The following AOAH variants were observed in gnomAD, a reference collection of about 807,000 sequenced individuals.
AOAH encodes the protein acyloxyacyl hydrolase (neutrophil).
A neutral mutation model predicts 92.2 loss-of-function variants in AOAH; 64 were observed. The observed-to-expected ratio is 0.69, with a 90% confidence interval of 0.57 to 0.86. AOAH has a LOEUF of 0.86. AOAH is among the 40% of genes least tolerant of loss of function. The pLI, the probability that AOAH is intolerant of heterozygous loss-of-function variation, is 0.00. For synonymous variants in AOAH, 263 were observed against 254.5 expected, an observed-to-expected ratio of 1.03 and a Z score of -0.32; for missense variants, 656 against 694.6, an observed-to-expected ratio of 0.94 and a Z score of 0.62.
In AOAH at chr7:36,721,826, T is replaced by C. The variant is rs143057063; in HGVS notation, c.127+2196A>G. ...TCCCTTTGAGTCTGGGTGGAGGAAC[T>C]TGTGAATGCTTTGAGCAATGGAAGA... On this transcript the variant is annotated intron_variant, in intron 1 of 20. Coordinates refer to ENST00000617537, the MANE Select transcript of AOAH (RefSeq NM_001637.4). Among the ~76,000 whole-genome samples, 87 of 152,332 alleles carry C rather than the reference T, an allele frequency of 5.7e-4. 1 individual carries two copies. The highest frequency in any genetic ancestry group is 2.1e-3 in the African/African-American group (87 of 41,570).
chr7:36,650,113 GCGGCC>G lies in AOAH; in HGVS notation c.390+9048_390+9052del, dbSNP rs1284178297. On this transcript the variant is annotated intron_variant, in intron 4 of 20. Coordinates refer to ENST00000617537, the MANE Select transcript of AOAH (RefSeq NM_001637.4). ...GGAAGTGGCTTCTGCCATCTTGGAA[GCGGCC>G]CACCACCGTCTTGGAAGCGGCCCAC... Among the ~76,000 whole-genome samples the G allele has an allele frequency of 0.023, 141 of 6,118 alleles. No individual in the cohort carries two copies. The African/African-American group carries it at 0.24, about 10-fold the overall frequency. 4.0% of individuals were successfully genotyped at this position (6,118 alleles called of 152,430 possible).
At chr7:36,523,388 C>A (rs557585756) in intron 19 of AOAH, among the ~76,000 whole-genome samples, 1 of 152,176 alleles carries the variant, frequency 6.6e-6, no homozygotes. Context: ...GAAGTTGTGG[C>A]GTGCTGGTAA....
chr7:36,684,641 C>G (rs1009094209), intron 2 of AOAH, among the ~76,000 whole-genome samples: 1 of 151,962 alleles, frequency 6.6e-6, no homozygotes, highest in Non-Finnish European at 1.5e-5. Flanking sequence ...AGTCCTGGCA[C>G]AGTGGCTCAC....
chr7:36,649,855 C>T (rs542394675), intron 4 of AOAH, among the ~76,000 whole-genome samples: 3 of 152,310 alleles, frequency 2.0e-5, no homozygotes, highest in East Asian at 3.9e-4. Context: ...TCCAGTGAGG[C>T]GCCCATTGCC....
intron 11 of AOAH, among the ~76,000 whole-genome samples, chr7:36,598,645 T>G (rs1406084451): frequency 6.6e-6 from 1 of 152,228 alleles, no homozygotes. Flanking sequence ...GGAGTGACAT[T>G]TATTTGCCAG....
chr7:36,565,902 CTA>C (rs945396748), intron 13 of AOAH, among the ~76,000 whole-genome samples: 8 of 152,060 alleles, frequency 5.3e-5, no homozygotes, highest in Non-Finnish European at 1.0e-4. Flanking sequence ...CACAATAACA[CTA>C]TTGCCTGATC....
At chr7:36,710,714 G>T (rs997304088) in intron 1 of AOAH, among the ~76,000 whole-genome samples, 2 of 152,144 alleles carry the variant, frequency 1.3e-5, no homozygotes, top group African/African-American at 2.4e-5. Flanking sequence ...AAACACCCAA[G>T]ATTTGAGAAT....
rs562962114 is a variant in AOAH at position 36,617,186 on chromosome 7, C to T, written c.752-712G>A. 2.0e-5 allele frequency among the ~76,000 whole-genome samples: 3 copies of T among 152,324 alleles called. No individual in the cohort carries two copies. The South Asian group carries it at 6.2e-4, about 32-fold the overall frequency. On this transcript the variant is annotated intron_variant, in intron 10 of 20. Transcript: ENST00000617537. ...GTCATGCAAGAGGGTGGCCTAGTCT[C>T]ACTGCAGTGGCTCCCCAGGCTGGGC...
intron 2 of AOAH, among the ~76,000 whole-genome samples, chr7:36,683,454 C>T (rs1024574533): frequency 6.6e-6 from 1 of 151,752 alleles, no homozygotes; most frequent in African/African-American, 2.4e-5. Flanking sequence ...TAAGGTAGGA[C>T]AATGATTCAA....
At chr7:36,536,639 A>T (rs986586784) in intron 16 of AOAH, among the ~76,000 whole-genome samples, 2 of 152,148 alleles carry the variant, frequency 1.3e-5, no homozygotes, top group African/African-American at 4.8e-5. Flanking sequence ...TCTATCTCCC[A>T]GGGTTGTTTT....
At chr7:36,690,255 T>TA (rs2116811545) in intron 1 of AOAH, 3 of 438,606 alleles carry the variant, frequency 6.8e-6, no homozygotes, top group South Asian at 3.3e-5. Context: ...GGGTGAGTCT[T>TA]ACCGCTATCG....
intron 6 of AOAH, among the ~76,000 whole-genome samples, chr7:36,630,045 T>C (rs749569435): frequency 1.7e-4 from 26 of 152,128 alleles, no homozygotes; most frequent in East Asian, 1.4e-3. Flanking sequence ...AATATGAAGA[T>C]GAAGCAGAGA....
rs569955518 is a variant in AOAH at position 36,553,186 on chromosome 7, T to C, written c.1022-3711A>G. Among the ~76,000 whole-genome samples the C allele has an allele frequency of 1.3e-4, 19 of 146,340 alleles. No individual in the cohort carries two copies. The South Asian group carries it at 3.9e-3, about 30-fold the overall frequency. On this transcript the variant is annotated intron_variant, in intron 13 of 20. Transcript: ENST00000617537. ...TTCCTGTGTCCATGTGTTCTCATTG[T>C]TCAATTTCCATCTATGAGTGAGAAC...
chr7:36,652,525 C>A (rs1442972862), intron 4 of AOAH, among the ~76,000 whole-genome samples: 1 of 152,072 alleles, frequency 6.6e-6, no homozygotes, highest in African/African-American at 2.4e-5. Context: ...TTCTAAAGAA[C>A]TGAGTAAAGG....
chr7:36,670,839 A>T (rs1795877689), intron 3 of AOAH, among the ~76,000 whole-genome samples: 1 of 124,102 alleles, frequency 8.1e-6, no homozygotes, highest in Non-Finnish European at 1.7e-5. Flanking sequence ...CATGCTGTAC[A>T]GTTTGCATCT....
At chr7:36,530,343 T>C (rs1358211915) in intron 19 of AOAH, 75 bp downstream of exon 19, 8 of 1,071,514 alleles carry the variant, frequency 7.5e-6, no homozygotes, top group African/African-American at 1.6e-5. Context: ...CTTATAAAAG[T>C]ATAAAACCAG....
chr7:36,582,907 T>C (rs999973011), intron 12 of AOAH, among the ~76,000 whole-genome samples: 14 of 151,916 alleles, frequency 9.2e-5, no homozygotes, highest in African/African-American at 2.4e-5. Flanking sequence ...TGCAGTGGCA[T>C]GATCTCGGCT....
intron 16 of AOAH, among the ~76,000 whole-genome samples, chr7:36,537,692 T>C (rs1489243850): frequency 1.3e-5 from 2 of 152,020 alleles, no homozygotes; most frequent in African/African-American, 4.8e-5. Context: ...CTAATTTTTT[T>C]TTGTATTTTT....
In AOAH at chr7:36,541,455, C is replaced by A. The variant is rs898915821; in HGVS notation, c.1134-964G>T. Among the ~76,000 whole-genome samples, 39 of 152,216 alleles carry A rather than the reference C, an allele frequency of 2.6e-4. 1 individual carries two copies. The highest frequency in any genetic ancestry group is 2.3e-3 in the Admixed American group (35 of 15,278). ...TGACGAATCTTTACCCTCAATCAGA[C>A]ATTTATTGAATTTAAGCTGATTGAC... On this transcript the variant is annotated intron_variant, in intron 15 of 20. Transcript: ENST00000617537.
Sources: gnomAD v4.1 joint callset for allele counts (sites outside exome capture counted in the v4.1 genomes callset) on GRCh38, gnomAD v4.1.1 for gene constraint, MANE v1.5 for transcripts, NCBI Gene and HGNC (gene_info 2026-07-23, HGNC 2026-07-21) for gene names.